The following MICAL3 variants were observed in gnomAD, a reference collection of about 807,000 sequenced individuals.
MICAL3 encodes [F-actin]-monooxygenase MICAL3.
A neutral mutation model predicts 207.4 loss-of-function variants in MICAL3; 62 were observed. The ratio of observed to expected loss-of-function variants is 0.30; its 90% CI spans 0.24 to 0.37. MICAL3 has a LOEUF of 0.37. Ranked by LOEUF, MICAL3 falls within the 10% of genes least tolerant of loss-of-function variation. The probability of loss-of-function intolerance (pLI) is 1.00; values close to 1 mark genes in which losing one functional copy is unlikely to be tolerated. For missense variants in MICAL3, 2,368 were observed against 2,635.6 expected, an observed-to-expected ratio of 0.90 and a Z score of 2.22; for synonymous variants, 1,077 against 1,069.3, an observed-to-expected ratio of 1.01 and a Z score of -0.14.
chr22:17,919,034 T>TA (rs1178718106), intron 1 of MICAL3, among the ~76,000 whole-genome samples: 1 of 151,796 alleles, frequency 6.6e-6, no homozygotes, highest in Non-Finnish European at 1.5e-5. Context: ...CCAAAGCACT[T>TA]ACCACAACTT....
chr22:17,876,146 T>C (rs990428109), intron 16 of MICAL3, among the ~76,000 whole-genome samples: 2 of 152,110 alleles, frequency 1.3e-5, no homozygotes, highest in Non-Finnish European at 2.9e-5. Context: ...GAGAAAAGAC[T>C]TGAGCCCAAA....
chr22:17,831,875 C>G lies in MICAL3; in HGVS notation c.3034G>C (p.Glu1012Gln), dbSNP rs1022987869. The G allele has an allele frequency of 2.6e-6, 4 of 1,553,224 alleles. No individual in the cohort carries two copies. The Admixed American group carries it at 5.9e-5, about 23-fold the overall frequency. Residue 1012 changes from glutamate to glutamine, a missense_variant, in exon 21 of 32, where the codon GAG becomes CAG. Physicochemically the swap from Glu to Gln is conservative, Grantham distance 29. Transcript: ENST00000441493. ...EEEEEEDYDE[E>Q]EEESSEAGNQ... Reference sequence around the variant, plus strand: ...TGACCTTCACTGGACTCTTCCTCCTCCTCGTCATAGTCCTCCTCCTCCTCC... The same window carrying G: ...TGACCTTCACTGGACTCTTCCTCCTGCTCGTCATAGTCCTCCTCCTCCTCC...
intron 1 of MICAL3, among the ~76,000 whole-genome samples, chr22:17,997,339 C>T (rs755499725): frequency 6.6e-6 from 1 of 152,174 alleles, no homozygotes; most frequent in Non-Finnish European, 1.5e-5. Context: ...GTTGGTATTA[C>T]AGGCATGAGC....
intron 1 of MICAL3, among the ~76,000 whole-genome samples, chr22:17,970,395 GC>G (rs1236971819): frequency 1.3e-5 from 2 of 152,040 alleles, no homozygotes; most frequent in Admixed American, 1.3e-4. Flanking sequence ...CAGCTGCAGG[GC>G]CATGATCAGA....
At chr22:17,904,860 C>T (rs750899507) in intron 2 of MICAL3, 21 bp from the exon 3 acceptor site, 4 of 1,574,386 alleles carry the variant, frequency 2.5e-6, no homozygotes, top group African/African-American at 1.3e-5. Context: ...CAGCTGCTTT[C>T]AGGGCAGGCG....
chr22:17,958,679 T>C (rs1330519906), intron 1 of MICAL3, among the ~76,000 whole-genome samples: 1 of 151,636 alleles, frequency 6.6e-6, no homozygotes, highest in Admixed American at 6.6e-5. Context: ...TCAGGGCCTG[T>C]TGTTTTTGAG....
chr22:17,853,280 G>A (rs552780325), intron 19 of MICAL3, among the ~76,000 whole-genome samples: 3 of 152,226 alleles, frequency 2.0e-5, no homozygotes, highest in South Asian at 4.1e-4. Flanking sequence ...CAGCTGGCAC[G>A]CAACGAAGGT....
intron 29 of MICAL3, among the ~76,000 whole-genome samples, chr22:17,807,588 C>T (rs961346230): frequency 6.6e-6 from 1 of 152,204 alleles, no homozygotes; most frequent in Non-Finnish European, 1.5e-5. Context: ...GACTGAAGGT[C>T]ATCACTGAGT....
Position 17,819,176 on chromosome 22 carries a change from C to CG in MICAL3, c.3532-48dup, listed in dbSNP as rs149701032. ...GCCGCTGAGAAGGTGTGGGCTTTCA[C>CG]GACCAGCAGCATCCTCGGGGAGCCT... is the stretch of plus-strand genomic sequence containing the variant. On this transcript the variant is annotated intron_variant, in intron 25 of 31. Coordinates refer to ENST00000441493, the MANE Select transcript of MICAL3 (RefSeq NM_015241.3). 1.3e-3 allele frequency: 1,855 copies of CG among 1,414,726 alleles called. 22 individuals carry two copies. In the African/African-American group the frequency reaches 0.024, roughly 19 times the overall value. The allele number at this position is 1,414,726 out of a possible 1,614,324, so 87.6% of individuals were successfully genotyped here.
At chr22:18,009,265 C>T (rs1022009394) in intron 1 of MICAL3, among the ~76,000 whole-genome samples, 20 of 145,508 alleles carry the variant, frequency 1.4e-4, no homozygotes, top group African/African-American at 5.0e-4. Context: ...CTGGGAAACA[C>T]GGCAAATTTT....
chr22:17,792,148 G>C (rs1373478193), intron 29 of MICAL3, among the ~76,000 whole-genome samples: 2 of 152,214 alleles, frequency 1.3e-5, no homozygotes, highest in Admixed American at 1.3e-4. Context: ...GTCTCCAAGG[G>C]ACCAAGCCAC....
intron 1 of MICAL3, among the ~76,000 whole-genome samples, chr22:18,021,250 A>G (rs1247550036): frequency 6.6e-6 from 1 of 152,240 alleles, no homozygotes; most frequent in Non-Finnish European, 1.5e-5. Context: ...GTATTCCTGG[A>G]TTAGCCATCT....
At chr22:17,848,800 G>A (rs751713638) in intron 19 of MICAL3, among the ~76,000 whole-genome samples, 2 of 152,232 alleles carry the variant, frequency 1.3e-5, no homozygotes, top group Non-Finnish European at 2.9e-5. Flanking sequence ...AGGTCTTCCT[G>A]CACTTATTCT....
intron 1 of MICAL3, among the ~76,000 whole-genome samples, chr22:18,001,939 T>C (rs977342239): frequency 1.3e-5 from 2 of 152,194 alleles, no homozygotes; most frequent in Non-Finnish European, 2.9e-5. Flanking sequence ...GGCTAACGCC[T>C]GTAATCCCAA....
chr22:17,964,248 G>A (rs1160681121), intron 1 of MICAL3, among the ~76,000 whole-genome samples: 1 of 152,214 alleles, frequency 6.6e-6, no homozygotes, highest in Non-Finnish European at 1.5e-5. Flanking sequence ...CCAGCCTGCT[G>A]TTGCCCTCTG....
At chr22:17,907,909 A>T (rs558904800) in intron 1 of MICAL3, among the ~76,000 whole-genome samples, 1 of 152,340 alleles carries the variant, frequency 6.6e-6, no homozygotes, top group African/African-American at 2.4e-5. Flanking sequence ...CGAATTGAAC[A>T]GCAGTAAATG....
intron 1 of MICAL3, chr22:18,001,261 C>T (rs1922978244): frequency 6.6e-6 from 1 of 152,056 alleles, no homozygotes; most frequent in South Asian, 2.1e-4. Flanking sequence ...CGCGTCCGCT[C>T]GCGGGGCCAC....
intron 1 of MICAL3, among the ~76,000 whole-genome samples, chr22:17,927,730 T>C (rs137904709): frequency 6.6e-6 from 1 of 152,244 alleles, no homozygotes; most frequent in African/African-American, 2.4e-5. Flanking sequence ...GCTGCTTCAG[T>C]CTTCTCTGAA....
chr22:17,970,138 T>G (rs1030494630), intron 1 of MICAL3, among the ~76,000 whole-genome samples: 3 of 152,236 alleles, frequency 2.0e-5, no homozygotes, highest in Non-Finnish European at 4.4e-5. Flanking sequence ...GAGTGGGGTC[T>G]GTGGGCTCTT....
Sources: gnomAD v4.1 joint callset for allele counts (sites outside exome capture counted in the v4.1 genomes callset) on GRCh38, gnomAD v4.1.1 for gene constraint, MANE v1.5 for transcripts, NCBI Gene and HGNC (gene_info 2026-07-23, HGNC 2026-07-21) for gene names.